TBCA: variants seen among roughly 807,000 people sequenced by gnomAD.
The protein encoded by TBCA is tubulin-specific chaperone A.
A neutral mutation model predicts 15.8 loss-of-function variants in TBCA; 6 were observed. The observed-to-expected ratio is 0.38, with a 90% confidence interval of 0.21 to 0.75. TBCA has a LOEUF of 0.75. Ranked by LOEUF, TBCA falls within the 30% of genes least tolerant of loss-of-function variation. The probability of loss-of-function intolerance (pLI) is 0.46; values close to 1 mark genes in which losing one functional copy is unlikely to be tolerated. For missense variants in TBCA, 90 were observed against 131.2 expected (o/e 0.69, Z 1.53); for synonymous variants, 32 against 42.3 (o/e 0.76, Z 0.94).
intron 1 of TBCA, among the ~76,000 whole-genome samples, chr5:77,738,725 G>A (rs926641162): frequency 1.3e-5 from 2 of 152,108 alleles, no homozygotes; most frequent in Non-Finnish European, 2.9e-5. Flanking sequence ...TGGGATTACA[G>A]GCATCTGCCA....
intron 1 of TBCA, among the ~76,000 whole-genome samples, chr5:77,722,349 G>A (rs535292639): frequency 3.9e-5 from 6 of 152,120 alleles, no homozygotes; most frequent in African/African-American, 1.2e-4. Context: ...TAACCAAACT[G>A]CCATTCAAAT....
At chr5:77,736,642 C>A (rs1253324154) in intron 1 of TBCA, among the ~76,000 whole-genome samples, 1 of 152,090 alleles carries the variant, frequency 6.6e-6, no homozygotes, top group Admixed American at 6.5e-5. Context: ...TACCTTATTT[C>A]TTTTTCTAAG....
At chr5:77,691,683 AG>A (rs1745751925) in intron 3 of TBCA, 185 bp from the exon 4 acceptor site, 12 of 1,341,072 alleles carry the variant, frequency 8.9e-6, no homozygotes, top group Middle Eastern at 2.8e-4. Flanking sequence ...TTACAAGGAA[AG>A]GAAGAAATAA....
chr5:77,702,904 C>T (rs147358607), intron 2 of TBCA, among the ~76,000 whole-genome samples: 83 of 152,254 alleles, frequency 5.5e-4, no homozygotes, highest in African/African-American at 1.8e-3. Context: ...ATTTTTACTA[C>T]TGATTAAAAG....
At chr5:77,720,023 A>C (rs555983072) in intron 1 of TBCA, among the ~76,000 whole-genome samples, 39 of 152,158 alleles carry the variant, frequency 2.6e-4, no homozygotes, top group Non-Finnish European at 5.4e-4. Flanking sequence ...GTCCAGACCC[A>C]TATCTCTAAC....
chr5:77,732,475 C>T (rs1482373101), intron 1 of TBCA, among the ~76,000 whole-genome samples: 2 of 143,008 alleles, frequency 1.4e-5, no homozygotes, highest in East Asian at 2.1e-4. Flanking sequence ...GGCATGGACC[C>T]GGGAGGCAGA....
At chr5:77,756,920 G>A (rs458349) in intron 1 of TBCA, among the ~76,000 whole-genome samples, 66,985 of 151,980 alleles carry the variant, frequency 0.44, 14,928 homozygotes, top group East Asian at 0.53. Context: ...GTCATTAAAA[G>A]CCTTCTCTAG....
At chr5:77,758,181 G>T (rs1040381613) in intron 1 of TBCA, among the ~76,000 whole-genome samples, 1 of 150,378 alleles carries the variant, frequency 6.6e-6, no homozygotes, top group African/African-American at 2.5e-5. Flanking sequence ...CTCTCATATT[G>T]TTTTATATTG....
intron 1 of TBCA, among the ~76,000 whole-genome samples, chr5:77,742,691 A>G (rs893715260): frequency 2.0e-5 from 3 of 152,246 alleles, no homozygotes; most frequent in African/African-American, 4.8e-5. Flanking sequence ...CGAAGGCTAT[A>G]TGAGCTGTGA....
At position 77,768,922 on chromosome 5, in the gene TBCA, A is replaced by T. The variant is rs139074017; in HGVS notation, c.53+7283T>A. ...CAACCTTGCTTACTACAGATTTTCAAAATTTCCAACCAAACAAAAAAATGC... is the reference window on the plus strand; with the variant it reads ...CAACCTTGCTTACTACAGATTTTCATAATTTCCAACCAAACAAAAAAATGC... On this transcript the variant is annotated intron_variant, in intron 1 of 3. Transcript: ENST00000380377. Among the ~76,000 whole-genome samples, 397 of 152,346 alleles carry T rather than the reference A, an allele frequency of 2.6e-3. 1 individual carries two copies. Among genetic ancestry groups the T allele is most frequent in the Non-Finnish European group, 4.4e-3 (300 of 68,038 alleles).
intron 3 of TBCA, chr5:77,692,451 A>ATTC (rs1479636922): frequency 4.4e-5 from 42 of 948,486 alleles, no homozygotes; most frequent in Non-Finnish European, 5.3e-5. Flanking sequence ...TATTATTATT[A>ATTC]TTATTTTGGT....
At chr5:77,735,888 A>T (rs1746890729) in intron 1 of TBCA, among the ~76,000 whole-genome samples, 1 of 152,238 alleles carries the variant, frequency 6.6e-6, no homozygotes. Flanking sequence ...AAATAAAACA[A>T]ATTTTGCAAT....
At chr5:77,711,671 AC>A (rs1746281108) in intron 1 of TBCA, among the ~76,000 whole-genome samples, 1 of 152,330 alleles carries the variant, frequency 6.6e-6, no homozygotes, top group South Asian at 2.1e-4. Flanking sequence ...CAACATGGTA[AC>A]TTTTGAAGAA....
chr5:77,757,207 C>T (rs1429220325), intron 1 of TBCA, among the ~76,000 whole-genome samples: 1 of 151,960 alleles, frequency 6.6e-6, no homozygotes, highest in Non-Finnish European at 1.5e-5. Context: ...ACAAAAAATC[C>T]AACAATATGA....
chr5:77,710,262 T>A (rs1746245755), intron 1 of TBCA, among the ~76,000 whole-genome samples: 1 of 152,226 alleles, frequency 6.6e-6, no homozygotes, highest in South Asian at 2.1e-4. Context: ...CATTCAAGCA[T>A]GACAACAGAA....
At chr5:77,711,156 T>C (rs1023257158) in intron 1 of TBCA, among the ~76,000 whole-genome samples, 1 of 152,212 alleles carries the variant, frequency 6.6e-6, no homozygotes, top group Admixed American at 6.5e-5. Context: ...AGATTTGTCA[T>C]ACGAAAATAC....
At position 77,748,485 on chromosome 5, in the gene TBCA, C is replaced by CTTT. The variant is rs35974461; in HGVS notation, c.53+27717_53+27719dup. The stretch of plus-strand genomic sequence containing the variant: ...TCATCAGCTCTACGATTTAGTTTTG[C>CTTT]TTTTTTTTTTTAAGATTTTCTCCTT... On this transcript the variant is annotated intron_variant, in intron 1 of 3. Coordinates refer to ENST00000380377, the MANE Select transcript of TBCA (RefSeq NM_004607.3). Among the ~76,000 whole-genome samples the CTTT allele has an allele frequency of 2.8e-3, 416 of 148,404 alleles. 2 individuals carry two copies. The highest frequency in any genetic ancestry group is 7.8e-3 in the Admixed American group (117 of 14,942).
chr5:77,738,163 T>C (rs2112476830), intron 1 of TBCA, among the ~76,000 whole-genome samples: 1 of 152,358 alleles, frequency 6.6e-6, no homozygotes, highest in South Asian at 2.1e-4. Context: ...TCACATTTAA[T>C]GGGGCTTTTT....
intron 1 of TBCA, among the ~76,000 whole-genome samples, chr5:77,759,162 T>C (rs1190741421): frequency 6.6e-6 from 1 of 152,212 alleles, no homozygotes; most frequent in East Asian, 1.9e-4. Flanking sequence ...TTTGCATTGG[T>C]TTGATCTGGA....
Sources: gnomAD v4.1 joint callset for allele counts (sites outside exome capture counted in the v4.1 genomes callset) on GRCh38, gnomAD v4.1.1 for gene constraint, MANE v1.5 for transcripts, NCBI Gene and HGNC (gene_info 2026-07-23, HGNC 2026-07-21) for gene names.